GRIA1: variants seen among roughly 807,000 people sequenced by gnomAD.
The protein encoded by GRIA1 is glutamate ionotropic receptor AMPA type subunit 1.
GRIA1 carries 31 observed loss-of-function variants against 99.2 expected under a neutral mutation model. That is an observed-to-expected ratio of 0.31 (90% CI 0.23 to 0.42). The LOEUF is 0.42. Ranked by LOEUF, GRIA1 falls within the 10% of genes least tolerant of loss-of-function variation. The probability of loss-of-function intolerance (pLI) is 1.00; values close to 1 mark genes in which losing one functional copy is unlikely to be tolerated. For missense variants in GRIA1, 782 were observed against 1,157.5 expected, an observed-to-expected ratio of 0.68 and a Z score of 4.71; for synonymous variants, 438 against 432.4, an observed-to-expected ratio of 1.01 and a Z score of -0.16.
At chr5:153,581,515 A>G (rs1253134709) in intron 2 of GRIA1, among the ~76,000 whole-genome samples, 1 of 152,086 alleles carries the variant, frequency 6.6e-6, no homozygotes, top group Admixed American at 6.6e-5. Context: ...CTAAAGCTCT[A>G]AAGCTCTTCA....
chr5:153,729,477 A>G (rs907530672), intron 11 of GRIA1, among the ~76,000 whole-genome samples: 2 of 152,082 alleles, frequency 1.3e-5, no homozygotes, highest in African/African-American at 4.8e-5. Context: ...GTTGAGTCTA[A>G]GGTATTACAC....
chr5:153,552,709 A>T (rs1463382688), intron 2 of GRIA1, among the ~76,000 whole-genome samples: 6 of 152,132 alleles, frequency 3.9e-5, no homozygotes, highest in African/African-American at 1.2e-4. Flanking sequence ...TCACCTGGAG[A>T]TTTGTTAAAA....
intron 13 of GRIA1, among the ~76,000 whole-genome samples, chr5:153,789,714 C>A (rs1765180672): frequency 1.3e-5 from 2 of 152,106 alleles, no homozygotes; most frequent in Admixed American, 1.3e-4. Context: ...TGCTGAGCTT[C>A]TATTATGGGC....
chr5:153,647,157 T>C lies in GRIA1; in HGVS notation c.450T>C (p.Asp150=), dbSNP rs752743434. The part of the protein sequence containing the change: ...YKWQKFVYIY[D]ADRGLSVLQK... The stretch of plus-strand genomic sequence containing the variant: ...GGCAGAAATTTGTCTACATTTATGA[T>C]GCCGACCGGGGTAAGCCAAGGGTTA... Residue 150 remains aspartate (D), a synonymous_variant, in exon 3 of 16, where the codon GAT becomes GAC. Coordinates refer to ENST00000285900, the MANE Select transcript of GRIA1 (RefSeq NM_000827.4). 1.2e-6 allele frequency: 2 copies of C among 1,613,874 alleles called. No individual in the cohort carries two copies. Among genetic ancestry groups the C allele is most frequent in the Non-Finnish European group, 1.7e-6 (2 of 1,179,846 alleles).
chr5:153,658,993 C>CAA (rs1452669303), intron 5 of GRIA1, among the ~76,000 whole-genome samples: 9 of 120,674 alleles, frequency 7.5e-5, no homozygotes, highest in Non-Finnish European at 1.5e-4. Context: ...CAAAAACAAA[C>CAA]AAACAAAAAA....
At chr5:153,805,910 C>G (rs995691652) in intron 15 of GRIA1, among the ~76,000 whole-genome samples, 1 of 152,160 alleles carries the variant, frequency 6.6e-6, no homozygotes, top group Non-Finnish European at 1.5e-5. Flanking sequence ...GGTGTGACTT[C>G]TACCCAACTC....
intron 2 of GRIA1, among the ~76,000 whole-genome samples, chr5:153,560,886 T>G (rs905669034): frequency 6.6e-6 from 1 of 152,160 alleles, no homozygotes; most frequent in Non-Finnish European, 1.5e-5. Context: ...AACAATAGAC[T>G]CCTACCTGTA....
chr5:153,697,920 C>T (rs1161773034), intron 8 of GRIA1, 124 bp from the exon 9 acceptor site: 5 of 520,208 alleles, frequency 9.6e-6, no homozygotes, highest in East Asian at 2.9e-5. Context: ...TTTTAGAGCT[C>T]GGTGTGTCCA....
At chr5:153,792,198 T>C (rs1765341116) in intron 13 of GRIA1, among the ~76,000 whole-genome samples, 1 of 152,312 alleles carries the variant, frequency 6.6e-6, no homozygotes, top group East Asian at 1.9e-4. Context: ...TTGGACCTGA[T>C]TGTGAGATCA....
intron 4 of GRIA1, among the ~76,000 whole-genome samples, chr5:153,655,410 C>T (rs1223409228): frequency 6.6e-6 from 1 of 152,126 alleles, no homozygotes; most frequent in Non-Finnish European, 1.5e-5. Context: ...ATTGTCATGA[C>T]AGATTTCATG....
intron 8 of GRIA1, among the ~76,000 whole-genome samples, chr5:153,690,251 A>G (rs1421069440): frequency 6.6e-6 from 1 of 151,008 alleles, no homozygotes; most frequent in African/African-American, 2.4e-5. Context: ...AGTAAAAGGA[A>G]TACAAATAAT....
intron 11 of GRIA1, among the ~76,000 whole-genome samples, chr5:153,732,437 T>C (rs570582707): frequency 1.3e-5 from 2 of 152,270 alleles, no homozygotes; most frequent in Admixed American, 6.5e-5. Context: ...TAAGGGGATC[T>C]CTCATTCTGA....
chr5:153,656,138 T>C (rs566766606), intron 5 of GRIA1, among the ~76,000 whole-genome samples: 1 of 152,176 alleles, frequency 6.6e-6, no homozygotes, highest in Non-Finnish European at 1.5e-5. Context: ...CCAGCTTTAA[T>C]TGGCTCTGCC....
chr5:153,562,408 G>C (rs1249029765), intron 2 of GRIA1, among the ~76,000 whole-genome samples: 1 of 152,128 alleles, frequency 6.6e-6, no homozygotes, highest in Non-Finnish European at 1.5e-5. Context: ...GCTTTGAATG[G>C]GGAAGGAGAA....
At chr5:153,666,871 C>T (rs561445136) in intron 5 of GRIA1, among the ~76,000 whole-genome samples, 5 of 152,154 alleles carry the variant, frequency 3.3e-5, no homozygotes, top group African/African-American at 7.2e-5. Flanking sequence ...CTCTGGCCTG[C>T]GTTCCAGAGC....
In GRIA1 at chr5:153,657,549, A is replaced by G. The variant is rs1755044849; in HGVS notation, c.699+1677A>G. ...CTCTATGAGCAATAGTAATTGAACAAAGGATTAATATTTGTTACTCATTTC... is the reference window on the plus strand; with the variant it reads ...CTCTATGAGCAATAGTAATTGAACAGAGGATTAATATTTGTTACTCATTTC... On this transcript the variant is annotated intron_variant, in intron 5 of 15. Coordinates refer to ENST00000285900, the MANE Select transcript of GRIA1 (RefSeq NM_000827.4). Among the ~76,000 whole-genome samples, 3 of 152,234 alleles carry G rather than the reference A, an allele frequency of 2.0e-5. No homozygotes were observed. The South Asian group carries it at 6.2e-4, about 31-fold the overall frequency.
At chr5:153,657,396 C>T (rs539229249) in intron 5 of GRIA1, among the ~76,000 whole-genome samples, 1 of 152,286 alleles carries the variant, frequency 6.6e-6, no homozygotes, top group African/African-American at 2.4e-5. Context: ...TCTGTCTTTG[C>T]AATTTTCCAT....
intron 13 of GRIA1, among the ~76,000 whole-genome samples, chr5:153,774,584 T>TATCA (rs945034499): frequency 9.2e-5 from 14 of 152,312 alleles, no homozygotes; most frequent in African/African-American, 3.4e-4. Context: ...CCTGTAGTTG[T>TATCA]ATCAAGAGAG....
chr5:153,560,653 T>C (rs771350994), intron 2 of GRIA1, among the ~76,000 whole-genome samples: 2 of 152,212 alleles, frequency 1.3e-5, no homozygotes, highest in African/African-American at 2.4e-5. Flanking sequence ...TCCCTAGCTG[T>C]GTGCAACTGT....
Sources: allele counts gnomAD v4.1 joint callset (sites outside exome capture counted in the v4.1 genomes callset), GRCh38; gene constraint gnomAD v4.1.1; transcripts MANE v1.5; gene names NCBI Gene and HGNC (gene_info 2026-07-23, HGNC 2026-07-21).